The following ARK2C variants were observed in gnomAD, a reference collection of about 807,000 sequenced individuals.
ARK2C encodes arkadia (RNF111) C-terminal like ring finger ubiquitin ligase 2C, also known as E3 ubiquitin-protein ligase ARK2C.
At chr18:46,347,179 C>T in the ARK2C span, among the ~76,000 whole-genome samples, 1 of 152,224 alleles carries the variant, frequency 6.6e-6, no homozygotes, top group Non-Finnish European at 1.5e-5. Context: ...GTGATCGGGT[C>T]AGCCCTGCTC....
the ARK2C span, among the ~76,000 whole-genome samples, chr18:46,393,399 G>A: frequency 1.3e-5 from 2 of 152,188 alleles, no homozygotes; most frequent in Admixed American, 6.5e-5. Flanking sequence ...CCAGCTCTCT[G>A]TGGGAGGCAG....
chr18:46,334,254 GC>G, the ARK2C span: 2 of 1,470,470 alleles, frequency 1.4e-6, no homozygotes, highest in South Asian at 2.7e-5. The surrounding 1 kb of genome is among the most constrained non-coding windows in gnomAD (Gnocchi z 4.4). Context: ...CGCCGCCGCC[GC>G]CGCCGCGCGA....
At chr18:46,408,804 T>C in the ARK2C span, among the ~76,000 whole-genome samples, 1 of 152,242 alleles carries the variant, frequency 6.6e-6, no homozygotes, top group Non-Finnish European at 1.5e-5. Context: ...AATGAGCTGG[T>C]GTCAAAAGAC....
the ARK2C span, among the ~76,000 whole-genome samples, chr18:46,431,455 C>T: frequency 6.6e-6 from 1 of 152,146 alleles, no homozygotes; most frequent in Non-Finnish European, 1.5e-5. Context: ...CCAGAAGTAT[C>T]TGCAGAGCTC....
chr18:46,390,659 C>G, the ARK2C span, among the ~76,000 whole-genome samples: 14 of 152,278 alleles, frequency 9.2e-5, no homozygotes, highest in East Asian at 2.7e-3. Flanking sequence ...TCCATCAGCC[C>G]CCATTCAGCA....
chr18:46,380,215 G>A, the ARK2C span, among the ~76,000 whole-genome samples: 7 of 152,186 alleles, frequency 4.6e-5, no homozygotes, highest in African/African-American at 1.7e-4. Context: ...CTGCCTTTTG[G>A]CTGTGCCAGT....
the ARK2C span, among the ~76,000 whole-genome samples, chr18:46,349,969 G>GTACGT: frequency 2.6e-5 from 4 of 152,062 alleles, no homozygotes; most frequent in African/African-American, 9.7e-5. Context: ...TCATTTACAC[G>GTACGT]TACGTATCTG....
At chr18:46,393,993 G>A in the ARK2C span, among the ~76,000 whole-genome samples, 1 of 152,228 alleles carries the variant, frequency 6.6e-6, no homozygotes, top group Non-Finnish European at 1.5e-5. Flanking sequence ...GCTGGCCCCT[G>A]GCATCATGGG....
At chr18:46,426,066 A>G in the ARK2C span, among the ~76,000 whole-genome samples, 1 of 152,088 alleles carries the variant, frequency 6.6e-6, no homozygotes, top group Admixed American at 6.5e-5. Flanking sequence ...CACCTCCCAA[A>G]GGCCCTGCCT....
At chr18:46,387,594 A>G in the ARK2C span, among the ~76,000 whole-genome samples, 12 of 152,224 alleles carry the variant, frequency 7.9e-5, no homozygotes, top group African/African-American at 2.9e-4. Flanking sequence ...GAGGGCATGA[A>G]GCAAGAAAAA....
the ARK2C span, among the ~76,000 whole-genome samples, chr18:46,350,454 A>G: frequency 6.6e-6 from 1 of 152,186 alleles, no homozygotes; most frequent in Non-Finnish European, 1.5e-5. Flanking sequence ...ATGTCAGTAG[A>G]GCATGAGAGA....
the ARK2C span, among the ~76,000 whole-genome samples, chr18:46,358,929 C>A: frequency 6.6e-6 from 1 of 152,184 alleles, no homozygotes; most frequent in Non-Finnish European, 1.5e-5. Context: ...CACCCCCGGA[C>A]TCTTGTCCCC....
chr18:46,417,267 G>A, the ARK2C span, among the ~76,000 whole-genome samples: 1 of 152,170 alleles, frequency 6.6e-6, no homozygotes, highest in Non-Finnish European at 1.5e-5. Context: ...CTATTCAGCA[G>A]CCAGAGAGTC....
At chr18:46,382,378 G>C in the ARK2C span, among the ~76,000 whole-genome samples, 6 of 152,228 alleles carry the variant, frequency 3.9e-5, no homozygotes, top group African/African-American at 1.4e-4. Context: ...AGAGCCCTGG[G>C]TTGGTCCTGG....
the ARK2C span, among the ~76,000 whole-genome samples, chr18:46,416,984 A>T: frequency 1.3e-5 from 2 of 152,186 alleles, no homozygotes; most frequent in Non-Finnish European, 1.5e-5. Flanking sequence ...GGGTAAGCAT[A>T]CAAGGAGGGG....
the ARK2C span, among the ~76,000 whole-genome samples, chr18:46,340,871 C>T: frequency 1.3e-5 from 2 of 152,106 alleles, no homozygotes; most frequent in African/African-American, 2.4e-5. Flanking sequence ...GCTGCAGAGG[C>T]GGGTTTGCAA....
the ARK2C span, chr18:46,334,323 G>A: frequency 6.3e-7 from 1 of 1,585,932 alleles, no homozygotes; most frequent in Non-Finnish European, 8.5e-7. The surrounding 1 kb of genome is among the most constrained non-coding windows in gnomAD (Gnocchi z 4.4). Context: ...GTTTGGCTCT[G>A]TGCGAAACAG....
At chr18:46,455,162 A>G in the ARK2C span, among the ~76,000 whole-genome samples, 1 of 152,230 alleles carries the variant, frequency 6.6e-6, no homozygotes, top group East Asian at 1.9e-4. Context: ...GATAAATCCA[A>G]CAATATAAAT....
the ARK2C span, among the ~76,000 whole-genome samples, chr18:46,445,065 C>A: frequency 6.6e-6 from 1 of 151,972 alleles, no homozygotes. Context: ...GATTCTGGGA[C>A]ATATTATCAT....
Sources: gnomAD v4.1 joint callset for allele counts (sites outside exome capture counted in the v4.1 genomes callset) on GRCh38, gnomAD v4.1.1 for gene constraint, Gnocchi (gnomAD v3.1) non-coding constraint, MANE v1.5 for transcripts, NCBI Gene and HGNC (gene_info 2026-07-23, HGNC 2026-07-21) for gene names.